CYTH1: variants seen among roughly 807,000 people sequenced by gnomAD.
CYTH1 encodes cytohesin 1, also known as cytohesin-1.
CYTH1 carries 18 observed loss-of-function variants against 61.8 expected under a neutral mutation model. That is an observed-to-expected ratio of 0.29 (90% CI 0.20 to 0.43). The LOEUF (loss-of-function observed/expected upper bound fraction) is 0.43, where lower values mean the gene tolerates loss of function less well. CYTH1 is among the 20% of genes least tolerant of loss of function. The pLI is 1.00. For missense variants in CYTH1, 336 were observed against 510.5 expected (o/e 0.66, Z 3.29); for synonymous variants, 174 against 184.3 (o/e 0.94, Z 0.45).
chr17:78,757,281 C>A (rs560408427), intron 1 of CYTH1, among the ~76,000 whole-genome samples: 3 of 152,076 alleles, frequency 2.0e-5, no homozygotes, highest in South Asian at 4.1e-4. Flanking sequence ...ACTTAAGAAA[C>A]CCTCATCCTT....
rs117205489 is a variant in CYTH1 at position 78,773,143 on chromosome 17, C to T, written c.22+9059G>A. ...CCACCATGCCCAGCCTGAAACTGAA[C>T]AGTTTATCATTATAACCCAGACCAA... On this transcript the variant is annotated intron_variant, in intron 1 of 13. Coordinates refer to ENST00000446868, the MANE Select transcript of CYTH1 (RefSeq NM_004762.6). Among the ~76,000 whole-genome samples, 160 of 151,966 alleles carry T rather than the reference C, an allele frequency of 1.1e-3. 3 individuals are homozygous for T. In the East Asian group the frequency reaches 0.029, roughly 28 times the overall value.
At chr17:78,730,669 A>AT (rs1567864643) in intron 1 of CYTH1, among the ~76,000 whole-genome samples, 1 of 151,058 alleles carries the variant, frequency 6.6e-6, no homozygotes. Flanking sequence ...TATTATTATT[A>AT]TTTTTTTGTT....
chr17:78,684,088 T>C (rs918280934), intron 11 of CYTH1, among the ~76,000 whole-genome samples: 1 of 152,144 alleles, frequency 6.6e-6, no homozygotes, highest in Non-Finnish European at 1.5e-5. Context: ...AGCCTGGGAG[T>C]GGGGACCAGG....
intron 1 of CYTH1, among the ~76,000 whole-genome samples, chr17:78,772,617 A>G (rs2093475951): frequency 6.6e-6 from 1 of 152,206 alleles, no homozygotes; most frequent in South Asian, 2.1e-4. Context: ...GGCTCACTGC[A>G]ACCTCCGCCT....
In CYTH1 at chr17:78,760,372, T is replaced by TAC. The variant is rs1260203140; in HGVS notation, c.22+21829_22+21830insGT. Among the ~76,000 whole-genome samples the TAC allele has an allele frequency of 3.2e-4, 20 of 63,170 alleles. 1 individual carries two copies. The highest frequency in any genetic ancestry group is 1.1e-3 in the African/African-American group (19 of 16,538). 41.4% of individuals were successfully genotyped at this position (63,170 alleles called of 152,430 possible). ...TAGCAGGTTTATATATATATATATATATATATATATATACACACACATACA... is the reference window on the plus strand; with the variant it reads ...TAGCAGGTTTATATATATATATATATACATATATATATATACACACACATACA... On this transcript the variant is annotated intron_variant, in intron 1 of 13. Transcript: ENST00000446868.
At chr17:78,726,337 C>T (rs898159342) in intron 1 of CYTH1, among the ~76,000 whole-genome samples, 6 of 152,176 alleles carry the variant, frequency 3.9e-5, no homozygotes, top group South Asian at 4.1e-4. Context: ...CCACCGCGCC[C>T]GGCCTCAACA....
intron 1 of CYTH1, among the ~76,000 whole-genome samples, chr17:78,773,288 A>T (rs1242809094): frequency 2.0e-5 from 3 of 152,152 alleles, no homozygotes; most frequent in Admixed American, 1.3e-4. Flanking sequence ...TGGGTAACAC[A>T]GTGAGACCCT....
intron 1 of CYTH1, among the ~76,000 whole-genome samples, chr17:78,719,853 T>A (rs948302701): frequency 7.9e-5 from 12 of 152,150 alleles, no homozygotes; most frequent in African/African-American, 2.9e-4. Flanking sequence ...ACACAGTCTA[T>A]CTACTTTGGG....
At chr17:78,760,421 ATATACACATACATATATATATG>A (rs1567879192) in intron 1 of CYTH1, among the ~76,000 whole-genome samples, 9 of 76,730 alleles carry the variant, frequency 1.2e-4, no homozygotes, top group African/African-American at 3.5e-4. Flanking sequence ...ATATATATAT[ATATACACATACATATATATATG>A]TATATATATA....
intron 3 of CYTH1, 145 bp downstream of exon 3, chr17:78,708,052 A>G: frequency 1.3e-6 from 1 of 743,138 alleles, no homozygotes; most frequent in Non-Finnish European, 2.2e-6. Context: ...TGGAAGGCAG[A>G]CATTATGGGT....
intron 1 of CYTH1, among the ~76,000 whole-genome samples, chr17:78,762,911 C>T (rs997217256): frequency 6.6e-6 from 1 of 152,182 alleles, no homozygotes; most frequent in African/African-American, 2.4e-5. Context: ...CCATTCCAGA[C>T]TTCTGGCCTC....
At chr17:78,779,225 A>G (rs2144785611) in intron 1 of CYTH1, among the ~76,000 whole-genome samples, 1 of 152,030 alleles carries the variant, frequency 6.6e-6, no homozygotes, top group South Asian at 2.1e-4. Flanking sequence ...ACACAGAGAA[A>G]CCCTGTCTCT....
chr17:78,764,075 C>A (rs989600547), intron 1 of CYTH1, among the ~76,000 whole-genome samples: 11 of 152,128 alleles, frequency 7.2e-5, no homozygotes, highest in African/African-American at 2.7e-4. Context: ...CCCATCACTG[C>A]ACTCCAGCCT....
chr17:78,767,283 C>T (rs189501110), intron 1 of CYTH1, among the ~76,000 whole-genome samples: 45 of 152,264 alleles, frequency 3.0e-4, no homozygotes, highest in South Asian at 2.7e-3. Flanking sequence ...GCCTGATCAA[C>T]ATAGTGAATC....
chr17:78,693,448 C>T (rs1419170233), intron 10 of CYTH1, among the ~76,000 whole-genome samples: 2 of 151,744 alleles, frequency 1.3e-5, no homozygotes, highest in Admixed American at 1.3e-4. Flanking sequence ...ATGGTGAATC[C>T]CCATCTCTAC....
Position 78,747,075 on chromosome 17 carries a change from G to C in CYTH1, c.22+35127C>G, listed in dbSNP as rs895015063. On this transcript the variant is annotated intron_variant, in intron 1 of 13. Transcript: ENST00000446868. ...TTAGCCAAGAGCTAGACCTACAAAG[G>C]TCAAGAAAACAAAGTATCTCCCTCT... 2.9e-5 allele frequency among the ~76,000 whole-genome samples: 4 copies of C among 137,736 alleles called. No homozygotes were observed. The South Asian group carries it at 9.2e-4, about 32-fold the overall frequency. 90.4% of individuals were successfully genotyped at this position (137,736 alleles called of 152,430 possible). A position where few individuals can be genotyped will look rare whatever the true frequency, so the allele number is the denominator to read the frequency against.
chr17:78,676,673 C>T (rs1441808054), intron 13 of CYTH1: 5 of 299,610 alleles, frequency 1.7e-5, no homozygotes, highest in East Asian at 9.8e-5. Flanking sequence ...ACTCTGCAGG[C>T]GGCACTGCCC....
rs2093011228 is a variant in CYTH1, at chr17:78,701,717, C to A, written c.391G>T (p.Val131Leu). ...AGATCAGTGAACTCATGCAGCTCCA[C>A]AAATGCATGAAGAACCTGGATATTA... Reference protein sequence around the residue: ...EFNIQVLHAFVELHEFTDLNL... With the variant: ...EFNIQVLHAFLELHEFTDLNL... Residue 131 changes from valine (V) to leucine (L), a missense_variant, in exon 6 of 14, where the codon GTG (valine) becomes TTG (leucine). Val to Leu is a conservative substitution (Grantham distance 32). Transcript: ENST00000446868. 3 of 1,614,080 alleles carry A rather than the reference C, an allele frequency of 1.9e-6. No individual in the cohort carries two copies. The highest frequency in any genetic ancestry group is 2.2e-5 in the South Asian group (2 of 91,090).
chr17:78,707,260 T>C (rs867581471), intron 3 of CYTH1, among the ~76,000 whole-genome samples: 2 of 152,168 alleles, frequency 1.3e-5, no homozygotes, highest in African/African-American at 4.8e-5. Context: ...CAGGAAGACT[T>C]AGGCTTAGAA....
Sources: allele counts gnomAD v4.1 joint callset (sites outside exome capture counted in the v4.1 genomes callset), GRCh38; gene constraint gnomAD v4.1.1; transcripts MANE v1.5; gene names NCBI Gene and HGNC (gene_info 2026-07-23, HGNC 2026-07-21).